RPS6KC1: variants seen among roughly 807,000 people sequenced by gnomAD.
RPS6KC1 encodes the protein ribosomal protein S6 kinase C1.
Under a neutral mutation model 103.8 loss-of-function variants are expected in RPS6KC1, and 54 were observed. That is an observed-to-expected ratio of 0.52 (90% confidence interval 0.42 to 0.65). The LOEUF (loss-of-function observed/expected upper bound fraction) is 0.65. Ranked by LOEUF, RPS6KC1 falls within the 30% of genes least tolerant of loss-of-function variation. The pLI, the probability that RPS6KC1 is intolerant of heterozygous loss-of-function variation, is 0.00. For missense variants in RPS6KC1, 1,151 were observed against 1,253.8 expected (o/e 0.92, Z 1.24); for synonymous variants, 439 against 438.7 (o/e 1.00, Z -0.01).
chr1:213,301,053 C>T, the RPS6KC1 span, among the ~76,000 whole-genome samples: 4 of 152,134 alleles, frequency 2.6e-5, no homozygotes, highest in Admixed American at 2.6e-4. Context: ...ATGTCAGGGG[C>T]GCCCCCTCTA....
the RPS6KC1 span, among the ~76,000 whole-genome samples, chr1:213,408,840 T>C: frequency 6.6e-6 from 1 of 152,238 alleles, no homozygotes; most frequent in Non-Finnish European, 1.5e-5. Context: ...AGTCATATTC[T>C]GCACTGTGCC....
chr1:213,854,562 T>TTCTTTCTTTCTTTCTTTC, the RPS6KC1 span, among the ~76,000 whole-genome samples: 163 of 122,580 alleles, frequency 1.3e-3, no homozygotes, highest in African/African-American at 5.2e-3. Flanking sequence ...CTTTCTTTCT[T>TTCTTTCTTTCTTTCTTTC]TCTCTCTCTC....
At chr1:213,637,514 A>G in the RPS6KC1 span, among the ~76,000 whole-genome samples, 1 of 152,134 alleles carries the variant, frequency 6.6e-6, no homozygotes, top group Non-Finnish European at 1.5e-5. Context: ...ATGTATACCT[A>G]TGTAACAGGC....
At chr1:213,602,132 T>C in the RPS6KC1 span, among the ~76,000 whole-genome samples, 60 of 66,058 alleles carry the variant, frequency 9.1e-4, 1 homozygote, top group Non-Finnish European at 1.3e-3. Flanking sequence ...CTTTCTTTCT[T>C]TCTTTCTTTC....
At chr1:213,700,161 G>C in the RPS6KC1 span, among the ~76,000 whole-genome samples, 1 of 151,876 alleles carries the variant, frequency 6.6e-6, no homozygotes, top group Non-Finnish European at 1.5e-5. Flanking sequence ...ATGTTTTCTT[G>C]TAGGAATTTC....
At chr1:213,758,159 TA>T in the RPS6KC1 span, among the ~76,000 whole-genome samples, 2 of 152,206 alleles carry the variant, frequency 1.3e-5, 1 homozygote, top group Non-Finnish European at 2.9e-5. Flanking sequence ...TTTCAAGTCT[TA>T]TTATTTAAGA....
chr1:213,123,487 C>G (rs2084631417), intron 5 of RPS6KC1, among the ~76,000 whole-genome samples: 1 of 151,984 alleles, frequency 6.6e-6, no homozygotes, highest in African/African-American at 2.4e-5. Context: ...TAGACATGAC[C>G]CAAGAACGTT....
At chr1:213,563,615 A>G in the RPS6KC1 span, among the ~76,000 whole-genome samples, 1 of 152,032 alleles carries the variant, frequency 6.6e-6, no homozygotes, top group Admixed American at 6.6e-5. Context: ...TCTGTTCTTT[A>G]GAGGTAAACT....
the RPS6KC1 span, among the ~76,000 whole-genome samples, chr1:213,770,776 C>T: frequency 2.0e-5 from 3 of 152,186 alleles, no homozygotes; most frequent in African/African-American, 7.2e-5. Flanking sequence ...TTTATGCCAT[C>T]CTTTCAGATC....
the RPS6KC1 span, among the ~76,000 whole-genome samples, chr1:213,660,965 G>C: frequency 6.6e-6 from 1 of 152,176 alleles, no homozygotes. Flanking sequence ...AGGTAGTGAG[G>C]CTGTGTGCTA....
chr1:213,327,118 T>G, the RPS6KC1 span, among the ~76,000 whole-genome samples: 1 of 151,662 alleles, frequency 6.6e-6, no homozygotes, highest in Non-Finnish European at 1.5e-5. Flanking sequence ...TCTTGAATGC[T>G]CCTTCACATG....
chr1:213,237,923 G>A (rs888307559), intron 10 of RPS6KC1, among the ~76,000 whole-genome samples: 1 of 151,532 alleles, frequency 6.6e-6, no homozygotes, highest in Non-Finnish European at 1.5e-5. Context: ...AAGAACGTAC[G>A]GCCCCCAAAA....
intron 3 of RPS6KC1, among the ~76,000 whole-genome samples, chr1:213,080,433 TCAC>T: frequency 6.6e-6 from 1 of 152,332 alleles, no homozygotes; most frequent in Middle Eastern, 3.4e-3. Context: ...TCAGCTCTCT[TCAC>T]CACTTAACAT....
the RPS6KC1 span, among the ~76,000 whole-genome samples, chr1:213,749,131 G>A: frequency 9.2e-5 from 14 of 152,228 alleles, no homozygotes; most frequent in African/African-American, 3.4e-4. Flanking sequence ...TTATTCATAA[G>A]CCAGGAGAAA....
the RPS6KC1 span, among the ~76,000 whole-genome samples, chr1:213,755,334 T>C: frequency 6.6e-6 from 1 of 152,238 alleles, no homozygotes; most frequent in Non-Finnish European, 1.5e-5. Flanking sequence ...AACTCCTAAG[T>C]ACTCTTGTCT....
the RPS6KC1 span, among the ~76,000 whole-genome samples, chr1:213,595,555 C>T: frequency 2.4e-4 from 36 of 152,144 alleles, no homozygotes; most frequent in Non-Finnish European, 4.4e-4. Context: ...CCTTCCTGAC[C>T]ACGGATGGCT....
At chr1:213,217,487 A>G (rs1270307905) in intron 8 of RPS6KC1, among the ~76,000 whole-genome samples, 2 of 152,234 alleles carry the variant, frequency 1.3e-5, no homozygotes, top group Admixed American at 6.5e-5. Flanking sequence ...ATTCCAATCA[A>G]TAGAAAAAGA....
At chr1:213,842,628 C>T in the RPS6KC1 span, among the ~76,000 whole-genome samples, 1 of 152,204 alleles carries the variant, frequency 6.6e-6, no homozygotes, top group African/African-American at 2.4e-5. Context: ...ACAACACTTC[C>T]ATGGTCTTCA....
chr1:213,328,504 C>CCATATATATATATATATATA, the RPS6KC1 span, among the ~76,000 whole-genome samples: 1 of 101,446 alleles, frequency 9.9e-6, no homozygotes, highest in Non-Finnish European at 2.1e-5. Flanking sequence ...AGCCATTATA[C>CCATATATATATATATATATA]TATATATATA....
Sources: gnomAD v4.1 joint callset for allele counts (sites outside exome capture counted in the v4.1 genomes callset) on GRCh38, gnomAD v4.1.1 for gene constraint, MANE v1.5 for transcripts, NCBI Gene and HGNC (gene_info 2026-07-23, HGNC 2026-07-21) for gene names.